Variants in FRMPD4 observed in about 807,000 individuals in gnomAD.
FRMPD4 encodes the protein FERM and PDZ domain-containing protein 4.
FRMPD4 carries 22 observed loss-of-function variants against 94.1 expected under a neutral mutation model. The ratio of observed to expected loss-of-function variants is 0.23; its 90% CI spans 0.17 to 0.33. The LOEUF (loss-of-function observed/expected upper bound fraction) is 0.33. FRMPD4 is among the 10% of genes least tolerant of loss of function. The pLI is 1.00. For synonymous variants in FRMPD4, 631 were observed against 548.6 expected (o/e 1.15, Z -2.10); for missense variants, 1,111 against 1,339.9 (o/e 0.83, Z 2.67).
intron 3 of FRMPD4, among the ~76,000 whole-genome samples, chrX:12,097,251 A>T (rs1405445): frequency 9.0e-6 from 1 of 110,602 alleles, no homozygotes; most frequent in Admixed American, 9.7e-5. Flanking sequence ...AGGATCTAAC[A>T]GCAGATCTCT....
At chrX:12,682,942 A>G (rs2059987076) in intron 5 of FRMPD4, among the ~76,000 whole-genome samples, 1 of 112,194 alleles carries the variant, frequency 8.9e-6, no homozygotes, top group South Asian at 3.7e-4. Context: ...CTCAGGTTGC[A>G]GGTGCATAAG....
chrX:12,720,053 A>AGGAAAGGAAAG (rs11389537), intron 16 of FRMPD4, among the ~76,000 whole-genome samples: 708 of 41,296 alleles, frequency 0.017, 7 homozygotes, highest in African/African-American at 0.027. Flanking sequence ...AGGAAAGGAA[A>AGGAAAGGAAAG]GAAAGAAAGA....
chrX:12,680,071 G>A (rs1159509214), intron 5 of FRMPD4, among the ~76,000 whole-genome samples: 3 of 111,922 alleles, frequency 2.7e-5, no homozygotes, highest in East Asian at 2.8e-4. Flanking sequence ...TCAAGACCTT[G>A]CCCTTCAATT....
intron 1 of FRMPD4, among the ~76,000 whole-genome samples, chrX:12,251,633 G>C (rs1002499624): frequency 1.8e-5 from 2 of 111,840 alleles, no homozygotes; most frequent in East Asian, 2.8e-4. Context: ...CCCTCACCAG[G>C]TGTTCCTTAG....
chrX:12,209,013 T>C (rs1308933246), intron 1 of FRMPD4, among the ~76,000 whole-genome samples: 1 of 112,019 alleles, frequency 8.9e-6, no homozygotes, highest in Admixed American at 9.5e-5. Flanking sequence ...ATTTTAATTA[T>C]TGAACATAAA....
chrX:12,505,168 T>C (rs1020496127), intron 2 of FRMPD4, among the ~76,000 whole-genome samples: 4 of 112,035 alleles, frequency 3.6e-5, no homozygotes, highest in African/African-American at 1.3e-4. Flanking sequence ...CAGCCTGTAA[T>C]TGAAATACTA....
At chrX:12,281,112 C>G (rs773598196) in intron 1 of FRMPD4, among the ~76,000 whole-genome samples, 1 of 112,286 alleles carries the variant, frequency 8.9e-6, no homozygotes, top group Non-Finnish European at 1.9e-5. Context: ...CAGCACCAAG[C>G]TCGTCCTTAC....
chrX:11,875,850 G>A (rs1428200375), intron 2 of FRMPD4, among the ~76,000 whole-genome samples: 7 of 105,743 alleles, frequency 6.6e-5, no homozygotes, highest in Non-Finnish European at 1.4e-4. Context: ...TACCACTTGA[G>A]GATCTTTACC....
intron 1 of FRMPD4, among the ~76,000 whole-genome samples, chrX:12,277,210 CATGTAATTATAGGGT>C (rs1405662907): frequency 3.7e-5 from 4 of 109,297 alleles, no homozygotes; most frequent in Non-Finnish European, 5.7e-5. Flanking sequence ...TATCATTCAA[CATGTAATTATAGGGT>C]AAGAAAAAAT....
At position 12,323,690 on chromosome X, in the gene FRMPD4, C is replaced by A. The variant is rs142064938; in HGVS notation, c.42-174990C>A. Among the ~76,000 whole-genome samples, 32 of 111,805 alleles carry A rather than the reference C, an allele frequency of 2.9e-4. No homozygotes were observed. The East Asian group carries it at 8.5e-3, about 30-fold the overall frequency. The stretch of plus-strand genomic sequence containing the variant: ...AAGATATGCTCAGGAAGAGAGCCCA[C>A]CTGACTCTGCTTTGGGTGTCTAAGG... On this transcript the variant is annotated intron_variant, in intron 1 of 16. Coordinates refer to ENST00000675598, the MANE Select transcript of FRMPD4 (RefSeq NM_001368397.1).
At chrX:12,214,073 G>A (rs919386940) in intron 1 of FRMPD4, among the ~76,000 whole-genome samples, 1 of 111,926 alleles carries the variant, frequency 8.9e-6, no homozygotes, top group Non-Finnish European at 1.9e-5. Flanking sequence ...TTCCAATGAT[G>A]TCATGTTATA....
At chrX:12,425,827 A>G (rs1001001811) in intron 1 of FRMPD4, among the ~76,000 whole-genome samples, 1 of 112,070 alleles carries the variant, frequency 8.9e-6, no homozygotes, top group African/African-American at 3.3e-5. Context: ...CTCTGTCTTT[A>G]CTATTCTTAA....
chrX:12,202,077 T>A (rs562922200), intron 1 of FRMPD4, among the ~76,000 whole-genome samples: 1 of 110,795 alleles, frequency 9.0e-6, no homozygotes, highest in Non-Finnish European at 1.9e-5. Flanking sequence ...CAGTTCCTTT[T>A]GGATGCCAGA....
chrX:11,979,999 C>T (rs1029973935), intron 3 of FRMPD4, among the ~76,000 whole-genome samples: 13 of 111,596 alleles, frequency 1.2e-4, no homozygotes, highest in Non-Finnish European at 1.7e-4. Context: ...GTCTTTAATA[C>T]TTAATGTGTG....
chrX:12,583,995 G>C (rs1388556489), intron 2 of FRMPD4, among the ~76,000 whole-genome samples: 1 of 111,722 alleles, frequency 9.0e-6, no homozygotes, highest in African/African-American at 3.3e-5. Context: ...AGCAGGACCC[G>C]CGGCTCCACT....
intron 3 of FRMPD4, among the ~76,000 whole-genome samples, chrX:12,097,329 A>G (rs1450316119): frequency 2.7e-5 from 3 of 112,318 alleles, no homozygotes; most frequent in Non-Finnish European, 3.8e-5. Context: ...TTAAGTTTAA[A>G]GCCTGGTAGG....
At chrX:12,417,257 C>T (rs1180679544) in intron 1 of FRMPD4, among the ~76,000 whole-genome samples, 1 of 111,166 alleles carries the variant, frequency 9.0e-6, no homozygotes, top group East Asian at 2.8e-4. Flanking sequence ...ATATATTAAC[C>T]AAGGAAGCAC....
chrX:12,256,481 T>C (rs999921484), intron 1 of FRMPD4, among the ~76,000 whole-genome samples: 2 of 112,099 alleles, frequency 1.8e-5, no homozygotes, highest in African/African-American at 6.5e-5. Flanking sequence ...TTGAATTTGG[T>C]CAAGTGTGAG....
intron 3 of FRMPD4, among the ~76,000 whole-genome samples, chrX:12,002,934 G>T (rs1170317353): frequency 9.0e-6 from 1 of 111,499 alleles, no homozygotes; most frequent in Non-Finnish European, 1.9e-5. Flanking sequence ...AGGAGGGAAT[G>T]GGAACCTCTC....
Sources: gnomAD v4.1 joint callset for allele counts (sites outside exome capture counted in the v4.1 genomes callset) on GRCh38, gnomAD v4.1.1 for gene constraint, MANE v1.5 for transcripts, NCBI Gene and HGNC (gene_info 2026-07-23, HGNC 2026-07-21) for gene names.